The following SCHIP1 variants were observed in gnomAD, a reference collection of about 807,000 sequenced individuals.
SCHIP1 encodes the protein schwannomin interacting protein 1.
In SCHIP1, 8 loss-of-function variants were observed where a neutral mutation model predicts 29.7. That is an observed-to-expected ratio of 0.27 (90% CI 0.16 to 0.49). The LOEUF (loss-of-function observed/expected upper bound fraction) is 0.49. Among genes scored for constraint, SCHIP1 ranks in the 20% least tolerant of loss-of-function variants. SCHIP1 has a pLI of 0.99. For missense variants in SCHIP1, 193 were observed against 294.6 expected, an observed-to-expected ratio of 0.66 and a Z score of 2.52; for synonymous variants, 76 against 94.9, an observed-to-expected ratio of 0.80 and a Z score of 1.16.
At chr3:159,577,619 G>A in the SCHIP1 span, among the ~76,000 whole-genome samples, 2 of 152,138 alleles carry the variant, frequency 1.3e-5, no homozygotes, top group African/African-American at 2.4e-5. Context: ...ACACCATTAT[G>A]GAAAATCATC....
the SCHIP1 span, among the ~76,000 whole-genome samples, chr3:159,627,914 G>A: frequency 6.6e-6 from 1 of 152,182 alleles, no homozygotes; most frequent in African/African-American, 2.4e-5. Context: ...AACCCATAGA[G>A]CTTTCCATAA....
chr3:159,286,760 A>T, the SCHIP1 span, among the ~76,000 whole-genome samples: 1 of 152,060 alleles, frequency 6.6e-6, no homozygotes, highest in South Asian at 2.1e-4. Flanking sequence ...TTTAATAATG[A>T]TCATTCAGAC....
chr3:159,793,260 C>T, the SCHIP1 span, among the ~76,000 whole-genome samples: 7 of 152,108 alleles, frequency 4.6e-5, no homozygotes, highest in Non-Finnish European at 1.0e-4. Context: ...CTCTCTCTGT[C>T]TCTCTGTCTC....
the SCHIP1 span, among the ~76,000 whole-genome samples, chr3:159,356,136 C>A: frequency 6.6e-6 from 1 of 151,872 alleles, no homozygotes; most frequent in Non-Finnish European, 1.5e-5. Context: ...TGCAGTGCAC[C>A]AGCATGGCAC....
chr3:159,511,032 C>T, the SCHIP1 span, among the ~76,000 whole-genome samples: 5 of 152,248 alleles, frequency 3.3e-5, no homozygotes, highest in South Asian at 1.0e-3. Flanking sequence ...GAGGTTTCTG[C>T]TGCCTTTTGT....
chr3:159,680,563 TATATGTATAATATATCTATATATA>T, the SCHIP1 span, among the ~76,000 whole-genome samples: 1 of 116,226 alleles, frequency 8.6e-6, no homozygotes, highest in Non-Finnish European at 1.7e-5. Context: ...ATATATATAA[TATATGTATAATATATCTATATATA>T]ATATATGTAT....
the SCHIP1 span, among the ~76,000 whole-genome samples, chr3:159,400,271 T>C: frequency 6.6e-6 from 1 of 152,186 alleles, no homozygotes; most frequent in Non-Finnish European, 1.5e-5. Flanking sequence ...CTTGTGAGAA[T>C]TGAGGAAAGG....
the SCHIP1 span, among the ~76,000 whole-genome samples, chr3:159,370,052 T>C: frequency 6.6e-6 from 1 of 152,186 alleles, no homozygotes; most frequent in Non-Finnish European, 1.5e-5. Context: ...TCTTTCTTGT[T>C]TAGGCATCAT....
the SCHIP1 span, among the ~76,000 whole-genome samples, chr3:159,645,234 C>G: frequency 1.3e-5 from 2 of 152,128 alleles, no homozygotes; most frequent in Non-Finnish European, 2.9e-5. Context: ...GAAAAACCCT[C>G]CTTCAATTAA....
At chr3:159,881,933 G>C (rs1396229025) in intron 2 of SCHIP1, among the ~76,000 whole-genome samples, 1 of 152,186 alleles carries the variant, frequency 6.6e-6, no homozygotes, top group Non-Finnish European at 1.5e-5. Context: ...TGCCGGTTGA[G>C]CTCTGTGCTA....
At chr3:159,842,880 C>G (rs1355923040) in intron 1 of SCHIP1, among the ~76,000 whole-genome samples, 1 of 151,898 alleles carries the variant, frequency 6.6e-6, no homozygotes, top group Non-Finnish European at 1.5e-5. Flanking sequence ...GTCGCCTCTA[C>G]CCCCATCCAT....
the SCHIP1 span, among the ~76,000 whole-genome samples, chr3:159,300,279 C>T: frequency 6.6e-6 from 1 of 151,866 alleles, no homozygotes; most frequent in East Asian, 1.9e-4. Context: ...GCAAGTACCA[C>T]CACACCCAGC....
chr3:159,621,354 T>C, the SCHIP1 span, among the ~76,000 whole-genome samples: 2 of 152,252 alleles, frequency 1.3e-5, no homozygotes, highest in Admixed American at 1.3e-4. Flanking sequence ...CGCTTCTTTT[T>C]CTGAATACTT....
chr3:159,332,118 CTTCT>C, the SCHIP1 span, among the ~76,000 whole-genome samples: 1 of 152,184 alleles, frequency 6.6e-6, no homozygotes, highest in African/African-American at 2.4e-5. Context: ...TTATTGCCTC[CTTCT>C]TTGACTATCT....
the SCHIP1 span, among the ~76,000 whole-genome samples, chr3:159,533,416 A>G: frequency 6.6e-6 from 1 of 152,150 alleles, no homozygotes; most frequent in Admixed American, 6.5e-5. Flanking sequence ...CAGGGTTGGC[A>G]GTGTTCCTAG....
At chr3:159,386,350 A>G in the SCHIP1 span, among the ~76,000 whole-genome samples, 1 of 152,232 alleles carries the variant, frequency 6.6e-6, no homozygotes, top group East Asian at 1.9e-4. Context: ...TTCAAGGGGA[A>G]CTACAAACCA....
intron 2 of SCHIP1, among the ~76,000 whole-genome samples, chr3:159,875,687 A>T (rs1210588491): frequency 6.6e-6 from 1 of 152,184 alleles, no homozygotes; most frequent in Non-Finnish European, 1.5e-5. Context: ...ATTCTAACTG[A>T]CTGCAGGTGA....
exon 1 of SCHIP1, chr3:159,839,865 C>T: frequency 7.3e-7 from 1 of 1,364,988 alleles, no homozygotes; most frequent in South Asian, 2.0e-5. Context: ...TGATCCTTTT[C>T]TTTGTGCCTA....
chr3:159,493,543 A>G, the SCHIP1 span, among the ~76,000 whole-genome samples: 1 of 151,998 alleles, frequency 6.6e-6, no homozygotes, highest in South Asian at 2.1e-4. Flanking sequence ...ATTCAACAAG[A>G]AGAGCTAACT....
Sources: allele counts gnomAD v4.1 joint callset (sites outside exome capture counted in the v4.1 genomes callset), GRCh38; gene constraint gnomAD v4.1.1; transcripts MANE v1.5; gene names NCBI Gene and HGNC (gene_info 2026-07-23, HGNC 2026-07-21).